LSAMP: variants seen among roughly 807,000 people sequenced by gnomAD.
LSAMP encodes the protein limbic system associated membrane protein, also known as limbic system-associated membrane protein.
A neutral mutation model predicts 38.6 loss-of-function variants in LSAMP; 7 were observed. The ratio of observed to expected loss-of-function variants is 0.18; its 90% confidence interval spans 0.10 to 0.34. LSAMP has a LOEUF of 0.34. Among genes scored for constraint, LSAMP ranks in the 10% least tolerant of loss-of-function variants. LSAMP has a pLI of 1.00. For missense variants in LSAMP, 313 were observed against 420.0 expected, an observed-to-expected ratio of 0.75 and a Z score of 2.23; for synonymous variants, 154 against 166.8, an observed-to-expected ratio of 0.92 and a Z score of 0.59.
At chr3:116,009,382 C>T (rs1057317663) in intron 3 of LSAMP, among the ~76,000 whole-genome samples, 6 of 152,092 alleles carry the variant, frequency 3.9e-5, no homozygotes, top group African/African-American at 1.4e-4. Context: ...TTTCCTAGCA[C>T]CGTCGTAACA....
chr3:116,015,237 G>A (rs774798793), intron 3 of LSAMP, among the ~76,000 whole-genome samples: 7 of 152,122 alleles, frequency 4.6e-5, no homozygotes, highest in Admixed American at 1.3e-4. Flanking sequence ...AGAAAACTAC[G>A]GAGGTTGTGT....
intron 3 of LSAMP, among the ~76,000 whole-genome samples, chr3:115,984,785 A>G (rs1576283456): frequency 2.0e-5 from 3 of 152,312 alleles, no homozygotes; most frequent in South Asian, 2.1e-4. Context: ...AGTTATGCAT[A>G]CATTGCAATG....
At chr3:116,073,332 G>T (rs908722301) in intron 2 of LSAMP, among the ~76,000 whole-genome samples, 1 of 152,130 alleles carries the variant, frequency 6.6e-6, no homozygotes, top group African/African-American at 2.4e-5. Context: ...TTTGAAGTTG[G>T]ATAGGTTGGA....
chr3:116,445,337 C>G lies in LSAMP; in HGVS notation c.-306G>C. On this transcript the variant is annotated 5_prime_UTR_variant, in exon 1 of 7. Transcript: ENST00000490035. Reference sequence around the variant, plus strand: ...GAAGAGGAAGCCAAAGGAAAGGGTTCTTGTTTGGTCTCTCTGTGACTGGAT... The same window carrying G: ...GAAGAGGAAGCCAAAGGAAAGGGTTGTTGTTTGGTCTCTCTGTGACTGGAT... 1 of 558,860 alleles carries G rather than the reference C, an allele frequency of 1.8e-6. No individual in the cohort carries two copies. Among genetic ancestry groups the G allele is most frequent in the Non-Finnish European group, 3.1e-6 (1 of 318,446 alleles). The allele number at this position is 558,860 out of a possible 1,614,324, so 34.6% of individuals were successfully genotyped here.
At chr3:115,984,114 T>C (rs1939442813) in intron 3 of LSAMP, among the ~76,000 whole-genome samples, 1 of 151,962 alleles carries the variant, frequency 6.6e-6, no homozygotes, top group Admixed American at 6.6e-5. Context: ...TCAAGAGATA[T>C]TTAAGTCACA....
intron 1 of LSAMP, among the ~76,000 whole-genome samples, chr3:116,305,933 CTT>C (rs11347560): frequency 0.076 from 10,860 of 143,778 alleles, 425 homozygotes; most frequent in Non-Finnish European, 0.089. Context: ...TATTTCAGTG[CTT>C]TTTTTTTTTT....
intron 1 of LSAMP, among the ~76,000 whole-genome samples, chr3:116,415,288 A>G (rs116571587): frequency 1.3e-5 from 2 of 152,230 alleles, no homozygotes; most frequent in Non-Finnish European, 2.9e-5. Context: ...ATAAAAAATG[A>G]CAGAATAGTG....
At chr3:115,822,362 C>CTT (rs57335228) in intron 6 of LSAMP, among the ~76,000 whole-genome samples, 3 of 120,850 alleles carry the variant, frequency 2.5e-5, no homozygotes, top group South Asian at 5.6e-4. Context: ...TTCTTTCCTT[C>CTT]TTTTTTTTTT....
intron 1 of LSAMP, among the ~76,000 whole-genome samples, chr3:116,404,146 A>G (rs984777278): frequency 4.6e-5 from 7 of 152,166 alleles, no homozygotes; most frequent in African/African-American, 1.7e-4. Flanking sequence ...AAAATTCACC[A>G]TTTGAAATGT....
intron 1 of LSAMP, among the ~76,000 whole-genome samples, chr3:116,309,025 A>G (rs982539287): frequency 1.3e-5 from 2 of 152,124 alleles, no homozygotes; most frequent in Non-Finnish European, 2.9e-5. Flanking sequence ...ACAGCAAGGC[A>G]GTTGGAAAGA....
At chr3:115,914,759 T>C (rs1004844895) in intron 3 of LSAMP, among the ~76,000 whole-genome samples, 1 of 152,176 alleles carries the variant, frequency 6.6e-6, no homozygotes, top group African/African-American at 2.4e-5. Context: ...TCCTTTTAGC[T>C]GCATATCACA....
intron 3 of LSAMP, among the ~76,000 whole-genome samples, chr3:115,903,271 C>T (rs1265940585): frequency 2.0e-5 from 3 of 151,978 alleles, no homozygotes; most frequent in Non-Finnish European, 4.4e-5. Context: ...CTCACTTACA[C>T]GTGGGAGCTA....
intron 2 of LSAMP, among the ~76,000 whole-genome samples, chr3:116,047,744 T>C (rs1233634684): frequency 6.6e-6 from 1 of 152,210 alleles, no homozygotes; most frequent in Non-Finnish European, 1.5e-5. Flanking sequence ...CATTGAACAT[T>C]ATAATTTTTA....
At chr3:115,865,303 C>T (rs1377939346) in intron 3 of LSAMP, among the ~76,000 whole-genome samples, 1 of 152,026 alleles carries the variant, frequency 6.6e-6, no homozygotes, top group Non-Finnish European at 1.5e-5. Context: ...TTAAAAATTA[C>T]CCCTTTGAAC....
intron 2 of LSAMP, among the ~76,000 whole-genome samples, chr3:116,061,409 C>T (rs550136993): frequency 1.3e-5 from 2 of 148,602 alleles, no homozygotes; most frequent in East Asian, 3.9e-4. Flanking sequence ...CATGGCCGGG[C>T]CTTAATTATC....
chr3:116,122,722 T>C (rs1708911811), intron 1 of LSAMP, among the ~76,000 whole-genome samples: 1 of 152,182 alleles, frequency 6.6e-6, no homozygotes, highest in South Asian at 2.1e-4. Flanking sequence ...TCAACATACA[T>C]TTAACGTATA....
At chr3:116,289,791 A>T (rs1047375655) in intron 1 of LSAMP, among the ~76,000 whole-genome samples, 3 of 152,218 alleles carry the variant, frequency 2.0e-5, no homozygotes, top group African/African-American at 4.8e-5. Flanking sequence ...CCATATTAAA[A>T]ATTAACTCGA....
intron 3 of LSAMP, among the ~76,000 whole-genome samples, chr3:115,912,619 C>T (rs1349600201): frequency 6.6e-6 from 1 of 152,180 alleles, no homozygotes; most frequent in African/African-American, 2.4e-5. Flanking sequence ...GTCTGGGCTC[C>T]ACACTTGACC....
chr3:116,108,703 G>T (rs997781443), intron 1 of LSAMP, among the ~76,000 whole-genome samples: 1 of 152,210 alleles, frequency 6.6e-6, no homozygotes, highest in Admixed American at 6.5e-5. Flanking sequence ...GTCCCGCAGA[G>T]ATGGGACGTG....
Sources: gnomAD v4.1 joint callset for allele counts (sites outside exome capture counted in the v4.1 genomes callset) on GRCh38, gnomAD v4.1.1 for gene constraint, MANE v1.5 for transcripts, NCBI Gene and HGNC (gene_info 2026-07-23, HGNC 2026-07-21) for gene names.